Variants in SUGCT observed in about 807,000 individuals in gnomAD.
SUGCT encodes the protein succinyl-CoA:glutarate CoA-transferase.
Under a neutral mutation model 55.0 loss-of-function variants are expected in SUGCT, and 41 were observed. That is an observed-to-expected ratio of 0.74 (90% CI 0.58 to 0.97). The LOEUF (loss-of-function observed/expected upper bound fraction) is 0.97, where lower values mean the gene tolerates loss of function less well. Among genes scored for constraint, SUGCT ranks in the 50% least tolerant of loss-of-function variants. The probability of loss-of-function intolerance (pLI) is 0.00; values close to 1 mark genes in which losing one functional copy is unlikely to be tolerated. For synonymous variants in SUGCT, 187 were observed against 200.4 expected, an observed-to-expected ratio of 0.93 and a Z score of 0.56; for missense variants, 568 against 547.8, an observed-to-expected ratio of 1.04 and a Z score of -0.37.
intron 12 of SUGCT, among the ~76,000 whole-genome samples, chr7:40,683,128 C>A (rs540089809): frequency 5.9e-5 from 9 of 151,868 alleles, no homozygotes; most frequent in Admixed American, 2.0e-4. Context: ...AGTAACCTGA[C>A]TTTTTTCTGT....
intron 12 of SUGCT, among the ~76,000 whole-genome samples, chr7:40,533,971 C>T (rs1188335063): frequency 1.3e-5 from 2 of 152,172 alleles, no homozygotes; most frequent in Non-Finnish European, 2.9e-5. Flanking sequence ...AAAACTATCA[C>T]TGCTACATCC....
At chr7:40,775,254 C>T (rs1789393028) in intron 13 of SUGCT, among the ~76,000 whole-genome samples, 1 of 152,186 alleles carries the variant, frequency 6.6e-6, no homozygotes, top group Non-Finnish European at 1.5e-5. Flanking sequence ...ATGAGCTGTG[C>T]CCAAAATGAG....
intron 13 of SUGCT, among the ~76,000 whole-genome samples, chr7:40,821,778 T>A (rs1792033178): frequency 1.3e-5 from 2 of 152,210 alleles, no homozygotes; most frequent in South Asian, 4.1e-4. Context: ...AGTTCTGCTC[T>A]GATTTTAGTT....
chr7:40,199,045 G>GTGT (rs1554287674), intron 6 of SUGCT, among the ~76,000 whole-genome samples: 5 of 147,290 alleles, frequency 3.4e-5, no homozygotes, highest in African/African-American at 1.2e-4. Context: ...GTGTGTGTGT[G>GTGT]TTTTTTTTTT....
intron 13 of SUGCT, among the ~76,000 whole-genome samples, chr7:40,813,848 GC>G (rs1453508997): frequency 2.0e-5 from 3 of 152,128 alleles, no homozygotes; most frequent in Non-Finnish European, 4.4e-5. Flanking sequence ...TTTTGTGGTA[GC>G]AGTTTTCATT....
chr7:40,838,816 G>C (rs1352969157), intron 13 of SUGCT, among the ~76,000 whole-genome samples: 1 of 152,098 alleles, frequency 6.6e-6, no homozygotes, highest in Non-Finnish European at 1.5e-5. Flanking sequence ...GGACATCCTT[G>C]CCTTGTTTCT....
chr7:40,781,622 T>A (rs1050370393), intron 13 of SUGCT, among the ~76,000 whole-genome samples: 1 of 152,136 alleles, frequency 6.6e-6, no homozygotes, highest in Non-Finnish European at 1.5e-5. Flanking sequence ...AAAGAATAAA[T>A]GTTTTCTGAG....
chr7:40,791,327 C>T (rs1790299301), intron 13 of SUGCT, among the ~76,000 whole-genome samples: 1 of 152,148 alleles, frequency 6.6e-6, no homozygotes, highest in African/African-American at 2.4e-5. Context: ...GCAATAGAGA[C>T]AAATAATTTT....
intron 9 of SUGCT, among the ~76,000 whole-genome samples, chr7:40,340,564 T>A (rs1796989724): frequency 6.6e-6 from 1 of 152,120 alleles, no homozygotes; most frequent in Non-Finnish European, 1.5e-5. Context: ...TAGGAGCTCA[T>A]ATAAAGACTT....
intron 12 of SUGCT, among the ~76,000 whole-genome samples, chr7:40,641,752 A>T (rs1021025482): frequency 6.6e-6 from 1 of 152,184 alleles, no homozygotes; most frequent in Non-Finnish European, 1.5e-5. Context: ...TCTGTCCTTC[A>T]GGTCTTCGCA....
intron 12 of SUGCT, among the ~76,000 whole-genome samples, chr7:40,623,215 C>T (rs1415923308): frequency 6.6e-6 from 1 of 152,200 alleles, no homozygotes; most frequent in Non-Finnish European, 1.5e-5. Flanking sequence ...CTCTCCATGC[C>T]AGGGACTCCA....
intron 9 of SUGCT, among the ~76,000 whole-genome samples, chr7:40,334,335 C>T (rs1796549572): frequency 6.6e-6 from 1 of 152,154 alleles, no homozygotes; most frequent in Admixed American, 6.6e-5. Context: ...CACTGTCTTC[C>T]ACAATGGTTG....
rs968579800 is a variant in SUGCT at position 40,185,804 on chromosome 7, C to T, written c.227-2691C>T. Reference sequence around the variant, plus strand: ...TCCCAAAGTGCTGGGATTACAGGGGCGAGCCACCACATCTGGCCTATTGTC... The same window carrying T: ...TCCCAAAGTGCTGGGATTACAGGGGTGAGCCACCACATCTGGCCTATTGTC... On this transcript the variant is annotated intron_variant, in intron 3 of 13. Transcript: ENST00000335693. Among the ~76,000 whole-genome samples, 4 of 151,976 alleles carry T rather than the reference C, an allele frequency of 2.6e-5. No individual in the cohort carries two copies. In the East Asian group the frequency reaches 5.8e-4, roughly 22 times the overall value.
intron 8 of SUGCT, among the ~76,000 whole-genome samples, chr7:40,279,468 A>G (rs1374366584): frequency 6.6e-6 from 1 of 152,116 alleles, no homozygotes; most frequent in African/African-American, 2.4e-5. Context: ...TGGGGAAGCA[A>G]TCTACAAATA....
In SUGCT at chr7:40,564,191, G is replaced by A. The variant is rs551541872; in HGVS notation, c.1089+67805G>A. The stretch of plus-strand genomic sequence containing the variant: ...GATCGAGACCATCTTGGCTAACACG[G>A]TGAAACCCCATCTCTACTAAAAAAA... On this transcript the variant is annotated intron_variant, in intron 12 of 13. Transcript: ENST00000335693. Among the ~76,000 whole-genome samples, 5 of 152,254 alleles carry A rather than the reference G, an allele frequency of 3.3e-5. No individual in the cohort carries two copies. In the East Asian group the frequency reaches 7.7e-4, roughly 24 times the overall value.
At chr7:40,914,450 T>A in the SUGCT span, among the ~76,000 whole-genome samples, 8 of 152,088 alleles carry the variant, frequency 5.3e-5, no homozygotes, top group South Asian at 1.5e-3. Context: ...CAAAGCCAGG[T>A]CTTCTCCTGG....
At chr7:40,700,427 C>G (rs1423902106) in intron 12 of SUGCT, among the ~76,000 whole-genome samples, 1 of 152,158 alleles carries the variant, frequency 6.6e-6, no homozygotes, top group Non-Finnish European at 1.5e-5. Flanking sequence ...TATTCATGGA[C>G]TCTGTAGTGG....
At chr7:40,927,270 A>G in the SUGCT span, among the ~76,000 whole-genome samples, 1 of 152,154 alleles carries the variant, frequency 6.6e-6, no homozygotes, top group Non-Finnish European at 1.5e-5. Flanking sequence ...TTAAATTATT[A>G]TTTTGAGATG....
chr7:40,362,980 T>C (rs962142178), intron 9 of SUGCT, among the ~76,000 whole-genome samples: 2 of 152,154 alleles, frequency 1.3e-5, no homozygotes, highest in African/African-American at 2.4e-5. Context: ...TAACAACCCA[T>C]TTTTAAAATG....
Sources: allele counts gnomAD v4.1 joint callset (sites outside exome capture counted in the v4.1 genomes callset), GRCh38; gene constraint gnomAD v4.1.1; transcripts MANE v1.5; gene names NCBI Gene and HGNC (gene_info 2026-07-23, HGNC 2026-07-21).